FGF13: variants seen among roughly 807,000 people sequenced by gnomAD.
The protein encoded by FGF13 is fibroblast growth factor 13.
Under a neutral mutation model 19.5 loss-of-function variants are expected in FGF13, and 2 were observed. The ratio of observed to expected loss-of-function variants is 0.10; its 90% CI spans 0.04 to 0.32. The LOEUF is 0.32. Among genes scored for constraint, FGF13 ranks in the 10% least tolerant of loss-of-function variants. FGF13 has a pLI of 1.00. For missense variants in FGF13, 113 were observed against 192.7 expected (o/e 0.59, Z 2.45); for synonymous variants, 72 against 76.9 (o/e 0.94, Z 0.33).
At chrX:138,942,152 C>T (rs2091761460) in intron 1 of FGF13, among the ~76,000 whole-genome samples, 1 of 111,926 alleles carries the variant, frequency 8.9e-6, no homozygotes, top group Non-Finnish European at 1.9e-5. Flanking sequence ...TTGATCCATA[C>T]AACAAGCCTT....
At chrX:139,087,035 G>A (rs1031558861) in intron 1 of FGF13, among the ~76,000 whole-genome samples, 9 of 112,644 alleles carry the variant, frequency 8.0e-5, no homozygotes, top group Non-Finnish European at 1.3e-4. Context: ...AGTGGCTCAC[G>A]CCTGTAATCC....
At chrX:138,830,359 T>C (rs2091062547) in intron 3 of FGF13, among the ~76,000 whole-genome samples, 1 of 111,983 alleles carries the variant, frequency 8.9e-6, no homozygotes, top group Non-Finnish European at 1.9e-5. Flanking sequence ...AAGACCCTTC[T>C]GAGGATGTCT....
intron 1 of FGF13, among the ~76,000 whole-genome samples, chrX:138,992,337 T>A (rs755003861): frequency 8.9e-6 from 1 of 111,943 alleles, no homozygotes; most frequent in African/African-American, 3.2e-5. Flanking sequence ...TTTCATGTAG[T>A]CTAATTTATC....
chrX:139,095,844 T>C (rs1002694085), intron 1 of FGF13, among the ~76,000 whole-genome samples: 1 of 112,085 alleles, frequency 8.9e-6, no homozygotes, highest in Non-Finnish European at 1.9e-5. Flanking sequence ...TACCATTTGT[T>C]AGGTAACAGG....
rs1031587009 is a variant in FGF13 at position 138,916,311 on chromosome X, C to A, written c.-112-51661G>T. 6.3e-5 allele frequency among the ~76,000 whole-genome samples: 7 copies of A among 111,609 alleles called. No individual in the cohort carries two copies. In the South Asian group the frequency reaches 1.9e-3, roughly 30 times the overall value. ...TAAATACGGACTCCTGTTATATTTC[C>A]ACAATTGATTGGAGTTGACAAGTGA... On this transcript the variant is annotated intron_variant, in intron 1 of 2. Transcript: ENST00000421460.
chrX:138,685,977 C>T (rs761798308), intron 3 of FGF13, among the ~76,000 whole-genome samples: 2 of 109,243 alleles, frequency 1.8e-5, no homozygotes, highest in South Asian at 7.9e-4. Flanking sequence ...TAACAGGTTG[C>T]GTGACCACAG....
chrX:138,803,692 T>C (rs974462079), intron 3 of FGF13, among the ~76,000 whole-genome samples: 10 of 112,315 alleles, frequency 8.9e-5, no homozygotes, highest in Admixed American at 3.8e-4. Flanking sequence ...GGTAAGATAC[T>C]ACCTCAGTTA....
chrX:139,175,999 T>C (rs951046505), intron 1 of FGF13, among the ~76,000 whole-genome samples: 1 of 111,836 alleles, frequency 8.9e-6, no homozygotes, highest in African/African-American at 3.2e-5. Flanking sequence ...TTTGTACCAA[T>C]GGTAGAATTA....
chrX:139,001,133 T>C (rs764671954), intron 1 of FGF13, among the ~76,000 whole-genome samples: 45 of 112,226 alleles, frequency 4.0e-4, no homozygotes, highest in Non-Finnish European at 4.7e-4. Context: ...GCTAGCCATA[T>C]GCAGAAAGCT....
chrX:138,982,516 A>C (rs2091968007), intron 1 of FGF13, among the ~76,000 whole-genome samples: 1 of 112,232 alleles, frequency 8.9e-6, no homozygotes, highest in African/African-American at 3.2e-5. Context: ...TAGTGGGGGA[A>C]AACGGCTTCT....
chrX:139,126,148 G>A (rs1419615860), intron 1 of FGF13, among the ~76,000 whole-genome samples: 3 of 112,078 alleles, frequency 2.7e-5, no homozygotes, highest in African/African-American at 6.5e-5. Context: ...CTACAAGGCC[G>A]AGTTGAGTCA....
At chrX:139,154,397 A>G (rs953553229) in intron 1 of FGF13, among the ~76,000 whole-genome samples, 23 of 111,937 alleles carry the variant, frequency 2.1e-4, no homozygotes, top group Non-Finnish European at 2.8e-4. Flanking sequence ...CCAACTCCAA[A>G]TCAGCAACAG....
chrX:138,771,964 TA>T (rs1302261921), intron 3 of FGF13, among the ~76,000 whole-genome samples: 1 of 95,476 alleles, frequency 1.0e-5, no homozygotes, highest in Non-Finnish European at 2.1e-5. Context: ...TTGAGGAGAA[TA>T]AAAATATTTA....
chrX:139,063,342 A>T (rs961234280), intron 1 of FGF13, among the ~76,000 whole-genome samples: 2 of 111,872 alleles, frequency 1.8e-5, no homozygotes, highest in Admixed American at 1.9e-4. Context: ...TGTAGAAAAC[A>T]TACCATCTGT....
At chrX:138,782,611 G>A (rs1379275277) in intron 3 of FGF13, among the ~76,000 whole-genome samples, 1 of 96,780 alleles carries the variant, frequency 1.0e-5, no homozygotes, top group Non-Finnish European at 2.1e-5. Flanking sequence ...TACAAGGGAT[G>A]TGAAGGACCT....
chrX:138,689,453 AC>A (rs2089817835), intron 3 of FGF13, among the ~76,000 whole-genome samples: 1 of 111,328 alleles, frequency 9.0e-6, no homozygotes, highest in South Asian at 3.8e-4. Context: ...GTTCCAGCAA[AC>A]TGACAGGCAT....
chrX:139,168,814 T>C (rs774719027), intron 1 of FGF13, among the ~76,000 whole-genome samples: 2 of 112,178 alleles, frequency 1.8e-5, no homozygotes, highest in South Asian at 7.5e-4. Flanking sequence ...TTAAAATCCA[T>C]GCTAGTAGTC....
intron 1 of FGF13, among the ~76,000 whole-genome samples, chrX:139,041,906 G>C (rs959445622): frequency 6.2e-5 from 7 of 112,095 alleles, no homozygotes; most frequent in African/African-American, 2.3e-4. Context: ...TCAAAAGCAT[G>C]TTATTCCCTA....
At chrX:138,644,726 GA>G in intron 3 of FGF13, among the ~76,000 whole-genome samples, 2 of 111,952 alleles carry the variant, frequency 1.8e-5, no homozygotes, top group Non-Finnish European at 3.8e-5. Context: ...GAACAAGTAG[GA>G]AAGTAATGCT....
Sources: allele counts gnomAD v4.1 joint callset (sites outside exome capture counted in the v4.1 genomes callset), GRCh38; gene constraint gnomAD v4.1.1; transcripts MANE v1.5; gene names NCBI Gene and HGNC (gene_info 2026-07-23, HGNC 2026-07-21).